The following BTRC variants were observed in gnomAD, a reference collection of about 807,000 sequenced individuals.
BTRC encodes F-box/WD repeat-containing protein 1A.
Under a neutral mutation model 85.5 loss-of-function variants are expected in BTRC, and 42 were observed. That is an observed-to-expected ratio of 0.49 (90% CI 0.38 to 0.64). The LOEUF (loss-of-function observed/expected upper bound fraction) is 0.64. Among genes scored for constraint, BTRC ranks in the 30% least tolerant of loss-of-function variants. BTRC has a pLI of 0.00. For synonymous variants in BTRC, 255 were observed against 263.3 expected, an observed-to-expected ratio of 0.97 and a Z score of 0.30; for missense variants, 594 against 743.5, an observed-to-expected ratio of 0.80 and a Z score of 2.34.
intron 1 of BTRC, among the ~76,000 whole-genome samples, chr10:101,396,895 C>T (rs549522600): frequency 1.3e-5 from 2 of 151,950 alleles, no homozygotes; most frequent in Non-Finnish European, 2.9e-5. Flanking sequence ...CTCCGCCTCC[C>T]GGATTCAAGC....
intron 4 of BTRC, among the ~76,000 whole-genome samples, chr10:101,514,363 C>A (rs1174674888): frequency 1.3e-5 from 2 of 151,896 alleles, no homozygotes; most frequent in Non-Finnish European, 2.9e-5. Context: ...ATATATAAAT[C>A]TAGAATTAAG....
intron 1 of BTRC, among the ~76,000 whole-genome samples, chr10:101,381,745 A>G (rs879641511): frequency 2.6e-5 from 4 of 152,040 alleles, no homozygotes; most frequent in Non-Finnish European, 2.9e-5. Flanking sequence ...ACATTTTGCC[A>G]CATTTGACTT....
intron 13 of BTRC, among the ~76,000 whole-genome samples, chr10:101,548,501 C>G (rs965964040): frequency 6.6e-6 from 1 of 152,190 alleles, no homozygotes; most frequent in Admixed American, 6.5e-5. Context: ...TCTGTAATCC[C>G]AGCACTTTGG....
chr10:101,376,000 A>G (rs1411012763), intron 1 of BTRC, among the ~76,000 whole-genome samples: 1 of 152,194 alleles, frequency 6.6e-6, no homozygotes, highest in East Asian at 1.9e-4. Flanking sequence ...CTTGGGAAAC[A>G]CAGCAGGAAG....
chr10:101,549,863 G>T (rs896066474), intron 13 of BTRC, among the ~76,000 whole-genome samples: 2 of 152,006 alleles, frequency 1.3e-5, no homozygotes, highest in African/African-American at 4.8e-5. Flanking sequence ...TGCTAGAACA[G>T]GCTCATACTC....
At chr10:101,507,282 A>G (rs1285600856) in intron 4 of BTRC, among the ~76,000 whole-genome samples, 1 of 152,210 alleles carries the variant, frequency 6.6e-6, no homozygotes, top group Admixed American at 6.5e-5. Context: ...TGCTGCCTGC[A>G]AAGAAACATA....
At chr10:101,391,664 A>G (rs1943239763) in intron 1 of BTRC, among the ~76,000 whole-genome samples, 2 of 152,242 alleles carry the variant, frequency 1.3e-5, no homozygotes, top group African/African-American at 2.4e-5. Flanking sequence ...CTAGAACAGT[A>G]GCCTCCTAAC....
chr10:101,419,838 A>G (rs1280359430), intron 1 of BTRC, among the ~76,000 whole-genome samples: 1 of 152,108 alleles, frequency 6.6e-6, no homozygotes, highest in African/African-American at 2.4e-5. Flanking sequence ...TGGCCCCTGT[A>G]TTATTTTGAC....
At position 101,535,742 on chromosome 10, in the gene BTRC, TGAAAA is replaced by T. The variant is rs1051446842; in HGVS notation, c.1466+275_1466+279del. On this transcript the variant is annotated intron_variant, in intron 11 of 14. Transcript: ENST00000370187. ...TTTCTTTGCCATTGTTTTTAAGAAA[TGAAAA>T]GAAAGATTTGTTTCCTTACTAGAAA... Among the ~76,000 whole-genome samples the T allele has an allele frequency of 3.3e-5, 5 of 152,232 alleles. 1 individual carries two copies. The highest frequency in any genetic ancestry group is 1.2e-4 in the African/African-American group (5 of 41,458).
At chr10:101,364,166 GCTCT>G (rs1436694095) in intron 1 of BTRC, among the ~76,000 whole-genome samples, 1 of 152,012 alleles carries the variant, frequency 6.6e-6, no homozygotes, top group African/African-American at 2.4e-5. Context: ...TCTTCTTTCT[GCTCT>G]CTATTGTTGA....
chr10:101,529,972 T>G (rs979682349), intron 6 of BTRC, among the ~76,000 whole-genome samples: 3 of 152,174 alleles, frequency 2.0e-5, no homozygotes, highest in Non-Finnish European at 4.4e-5. Context: ...ATAGTGGGGT[T>G]TACTAGCTTC....
intron 4 of BTRC, among the ~76,000 whole-genome samples, chr10:101,510,273 C>T (rs538719902): frequency 1.3e-3 from 202 of 152,250 alleles, no homozygotes; most frequent in African/African-American, 4.6e-3. Flanking sequence ...CTTTAGGAGG[C>T]AGAGGTGGGT....
chr10:101,384,535 T>G (rs1039184604), intron 1 of BTRC, among the ~76,000 whole-genome samples: 10 of 152,318 alleles, frequency 6.6e-5, no homozygotes, highest in Admixed American at 5.2e-4. Flanking sequence ...GTTCTGTGTG[T>G]TTTTTTAAAG....
chr10:101,394,793 A>G (rs1943322097), intron 1 of BTRC, among the ~76,000 whole-genome samples: 1 of 152,208 alleles, frequency 6.6e-6, no homozygotes, highest in Non-Finnish European at 1.5e-5. Context: ...GGGCAAGAAT[A>G]GCAATTTGAC....
chr10:101,532,435 G>A lies in BTRC; in HGVS notation c.978+3G>A, dbSNP rs1030943976. ...GCCTTCGAGACAACACAATCAAGGT[G>A]AGGTCTATTCAGTTGTAGAAAGGTA... is the stretch of plus-strand genomic sequence containing the variant. On this transcript the variant is annotated splice_donor_region_variant and intron_variant, in intron 8 of 14. Transcript: ENST00000370187. The A allele has an allele frequency of 1.1e-5, 17 of 1,607,466 alleles. No homozygotes were observed. Among genetic ancestry groups the A allele is most frequent in the Non-Finnish European group, 1.4e-5 (16 of 1,177,364 alleles).
intron 2 of BTRC, among the ~76,000 whole-genome samples, chr10:101,431,739 T>TA (rs1319861788): frequency 3.9e-5 from 6 of 152,332 alleles, no homozygotes; most frequent in African/African-American, 1.4e-4. Flanking sequence ...TCCACATTCC[T>TA]AACCTATGCT....
At chr10:101,366,888 T>TAAA (rs1942423736) in intron 1 of BTRC, among the ~76,000 whole-genome samples, 1 of 24,642 alleles carries the variant, frequency 4.1e-5, no homozygotes, top group African/African-American at 1.1e-4. Flanking sequence ...TTATATATAT[T>TAAA]TATATATATT....
At chr10:101,366,780 A>ATTTTTATATT (rs1401642159) in intron 1 of BTRC, among the ~76,000 whole-genome samples, 6 of 103,290 alleles carry the variant, frequency 5.8e-5, no homozygotes, top group African/African-American at 1.4e-4. Context: ...ATATATATAT[A>ATTTTTATATT]TATATATATT....
intron 1 of BTRC, among the ~76,000 whole-genome samples, chr10:101,409,276 C>T (rs1221017580): frequency 1.3e-5 from 2 of 152,168 alleles, no homozygotes; most frequent in Non-Finnish European, 2.9e-5. Flanking sequence ...GCATTCTGCC[C>T]ATATGAATTT....
Sources: allele counts gnomAD v4.1 joint callset (sites outside exome capture counted in the v4.1 genomes callset), GRCh38; gene constraint gnomAD v4.1.1; transcripts MANE v1.5; gene names NCBI Gene and HGNC (gene_info 2026-07-23, HGNC 2026-07-21).